Variants in TRAM2 observed in about 807,000 individuals in gnomAD.
The protein encoded by TRAM2 is translocating chain-associated membrane protein 2.
Under a neutral mutation model 51.0 loss-of-function variants are expected in TRAM2, and 12 were observed. The ratio of observed to expected loss-of-function variants is 0.24; its 90% CI spans 0.15 to 0.38. The LOEUF is 0.38. Among genes scored for constraint, TRAM2 ranks in the 10% least tolerant of loss-of-function variants. The probability of loss-of-function intolerance (pLI) is 1.00; values close to 1 mark genes in which losing one functional copy is unlikely to be tolerated. For synonymous variants in TRAM2, 175 were observed against 179.4 expected (o/e 0.98, Z 0.20); for missense variants, 361 against 462.0 (o/e 0.78, Z 2.00).
intron 2 of TRAM2, among the ~76,000 whole-genome samples, chr6:52,519,273 C>A (rs1197439351): frequency 6.6e-6 from 1 of 152,170 alleles, no homozygotes. Context: ...AACTGTAACT[C>A]AACAACAAAA....
Position 52,504,478 on chromosome 6 carries a change from A to C in TRAM2, c.1039+113T>G. 2.0e-6 allele frequency: 3 copies of C among 1,518,482 alleles called. No individual in the cohort carries two copies. In the South Asian group the frequency reaches 3.8e-5, roughly 19 times the overall value. The allele number at this position is 1,518,482 out of a possible 1,614,324, so 94.1% of individuals were successfully genotyped here. ...CCTGAGGTAAGAGTCAGGAAGGAGA[A>C]GCTGGCAGGATTGGTCTGGGCAGCG... On this transcript the variant is annotated intron_variant, in intron 10 of 10. Coordinates refer to ENST00000182527, the MANE Select transcript of TRAM2 (RefSeq NM_012288.4).
chr6:52,524,793 A>G (rs1369376615), intron 2 of TRAM2: 6 of 152,104 alleles, frequency 3.9e-5, no homozygotes, highest in Non-Finnish European at 7.4e-5. Context: ...ATGGGCATGA[A>G]AAGACCTGGA....
chr6:52,520,856 A>G (rs1017268568), intron 2 of TRAM2, among the ~76,000 whole-genome samples: 1 of 152,188 alleles, frequency 6.6e-6, no homozygotes, highest in African/African-American at 2.4e-5. Flanking sequence ...ATCAAAAGCT[A>G]TATTCTGATT....
Position 52,500,518 on chromosome 6 carries a change from G to GTTT in TRAM2, c.*2676_*2678dup, listed in dbSNP as rs368707931. On this transcript the variant is annotated 3_prime_UTR_variant, in exon 11 of 11. Coordinates refer to ENST00000182527, the MANE Select transcript of TRAM2 (RefSeq NM_012288.4). ...TGCCAGCCCCACTCATGGTCTCAGG[G>GTTT]TTTTTTTTTGTTTTTTTTTTTTTTT... The GTTT allele has an allele frequency of 2.6e-3, 207 of 79,418 alleles. No homozygotes were observed. Among genetic ancestry groups the GTTT allele is most frequent in the African/African-American group, 7.3e-3 (197 of 26,868 alleles). 4.9% of individuals were successfully genotyped at this position (79,418 alleles called of 1,614,324 possible).
intron 2 of TRAM2, among the ~76,000 whole-genome samples, chr6:52,520,969 C>A (rs937542140): frequency 6.6e-6 from 1 of 152,134 alleles, no homozygotes; most frequent in Admixed American, 6.5e-5. Flanking sequence ...AGTGTAATGG[C>A]GCAGTCTTGG....
intron 2 of TRAM2, among the ~76,000 whole-genome samples, chr6:52,529,208 T>C (rs1461219974): frequency 6.6e-6 from 1 of 152,086 alleles, no homozygotes; most frequent in African/African-American, 2.4e-5. Context: ...TGTACATGAC[T>C]TCTTAGGAAG....
rs1362006186 is a variant in TRAM2 at position 52,500,432 on chromosome 6, T to C, written c.*2765A>G. On this transcript the variant is annotated 3_prime_UTR_variant, in exon 11 of 11. Transcript: ENST00000182527. ...TGGCAGGGGGAGGGGGGTGACAAAG[T>C]ACCCTACAACTACCCTCTAACCACC... The C allele has an allele frequency of 6.6e-6, 1 of 151,282 alleles. No homozygotes were observed. Among genetic ancestry groups the C allele is most frequent in the Non-Finnish European group, 1.5e-5 (1 of 67,960 alleles). The allele number at this position is 151,282 out of a possible 1,614,324, so 9.4% of individuals were successfully genotyped here.
chr6:52,504,615 C>T lies in TRAM2; in HGVS notation c.1015G>A (p.Ala339Thr), dbSNP rs1226155634. Residue 339 changes from alanine (A) to threonine (T), a missense_variant, in exon 10 of 11, where the codon GCC becomes ACC. Transcript: ENST00000182527. ...RRVPATPRLP[A>T]RLIKRESGYH... ...CCAGATTCCCTCTTGATGAGCCTGG[C>T]TGGTAGTCTGGGTGTGGCTGGGACT... is the stretch of plus-strand genomic sequence containing the variant. The T allele has an allele frequency of 6.2e-7, 1 of 1,614,046 alleles. No homozygotes were observed. Among genetic ancestry groups the T allele is most frequent in the East Asian group, 2.2e-5 (1 of 44,904 alleles).
At chr6:52,535,674 T>C (rs940188735) in intron 2 of TRAM2, 109 bp downstream of exon 2, 34 of 926,200 alleles carry the variant, frequency 3.7e-5, no homozygotes, top group Non-Finnish European at 5.4e-5. Context: ...GAGCAGAGAC[T>C]CCGTCATGGG....
chr6:52,521,756 T>A (rs910995303), intron 2 of TRAM2, among the ~76,000 whole-genome samples: 5 of 148,452 alleles, frequency 3.4e-5, no homozygotes, highest in Non-Finnish European at 7.5e-5. Flanking sequence ...TAAAATAAAA[T>A]AAAAATAAAT....
chr6:52,526,079 A>C (rs1439495476), intron 2 of TRAM2, among the ~76,000 whole-genome samples: 11 of 151,938 alleles, frequency 7.2e-5, no homozygotes, highest in Admixed American at 3.3e-4. Context: ...CTGTGAGACA[A>C]TACATTTCTG....
At chr6:52,536,438 C>T (rs1206468230) in intron 1 of TRAM2, among the ~76,000 whole-genome samples, 1 of 152,200 alleles carries the variant, frequency 6.6e-6, no homozygotes, top group Non-Finnish European at 1.5e-5. Flanking sequence ...CTTAGTTGTG[C>T]TGTGAAACAA....
chr6:52,562,797 C>A (rs1000630897), intron 1 of TRAM2, among the ~76,000 whole-genome samples: 1 of 152,024 alleles, frequency 6.6e-6, no homozygotes, highest in Non-Finnish European at 1.5e-5. Context: ...CTTATGAGAA[C>A]ATGTGGTGTT....
chr6:52,545,486 G>A (rs1260995001), intron 1 of TRAM2, among the ~76,000 whole-genome samples: 1 of 152,278 alleles, frequency 6.6e-6, no homozygotes, highest in African/African-American at 2.4e-5. Context: ...AAGAAGGGGC[G>A]GACACACACA....
intron 1 of TRAM2, among the ~76,000 whole-genome samples, chr6:52,573,589 C>G (rs1767715972): frequency 1.3e-5 from 2 of 152,210 alleles, no homozygotes; most frequent in African/African-American, 4.8e-5. Flanking sequence ...AACAGGATGG[C>G]TCAACACTAA....
At chr6:52,503,453 G>A (rs1186795173) in intron 10 of TRAM2, among the ~76,000 whole-genome samples, 183 bp from the exon 11 acceptor site, 6 of 152,162 alleles carry the variant, frequency 3.9e-5, no homozygotes. Context: ...GCTCCCAGGA[G>A]GGTCCTGTCT....
chr6:52,536,642 T>G (rs1766981100), intron 1 of TRAM2, among the ~76,000 whole-genome samples: 1 of 152,198 alleles, frequency 6.6e-6, no homozygotes, highest in South Asian at 2.1e-4. Context: ...AGCCTCAGTC[T>G]GCTTGTCCAT....
At chr6:52,511,139 T>C (rs911602604) in intron 4 of TRAM2, among the ~76,000 whole-genome samples, 1 of 152,246 alleles carries the variant, frequency 6.6e-6, no homozygotes. Context: ...GTTTTGCTCT[T>C]GTTGCCCAGG....
Position 52,504,763 on chromosome 6 carries a change from C to T in TRAM2, c.876-9G>A, listed in dbSNP as rs1766314108. On this transcript the variant is annotated splice_polypyrimidine_tract_variant and intron_variant, in intron 9 of 10. Coordinates refer to ENST00000182527, the MANE Select transcript of TRAM2 (RefSeq NM_012288.4). ...GCAGCAGCACGCAGAGCCTGCAGAGCAGGGGGTTAGGGGCTTAGGCTGGGG... is the reference window on the plus strand; with the variant it reads ...GCAGCAGCACGCAGAGCCTGCAGAGTAGGGGGTTAGGGGCTTAGGCTGGGG... The T allele has an allele frequency of 1.3e-6, 2 of 1,594,726 alleles. No homozygotes were observed. The highest frequency in any genetic ancestry group is 8.5e-7 in the Non-Finnish European group (1 of 1,173,018).
Sources: allele counts gnomAD v4.1 joint callset (sites outside exome capture counted in the v4.1 genomes callset), GRCh38; gene constraint gnomAD v4.1.1; transcripts MANE v1.5; gene names NCBI Gene and HGNC (gene_info 2026-07-23, HGNC 2026-07-21).